The following COQ4 variants were observed in gnomAD, a reference collection of about 807,000 sequenced individuals.
COQ4 encodes the protein ubiquinone biosynthesis protein COQ4 homolog, mitochondrial.
In COQ4, 36 loss-of-function variants were observed where a neutral mutation model predicts 30.2. That is an observed-to-expected ratio of 1.19 (90% CI 0.91 to 1.57). COQ4 has a LOEUF of 1.57. Ranked by LOEUF, COQ4 falls within the 40% of genes most tolerant of loss-of-function variation. The pLI, the probability that COQ4 is intolerant of heterozygous loss-of-function variation, is 0.00. For synonymous variants in COQ4, 197 were observed against 161.0 expected (o/e 1.22, Z -1.69); for missense variants, 369 against 371.9 (o/e 0.99, Z 0.07).
intron 4 of COQ4, among the ~76,000 whole-genome samples, chr9:128,328,236 G>A (rs1361651370): frequency 6.6e-6 from 1 of 152,274 alleles, no homozygotes; most frequent in African/African-American, 2.4e-5. Context: ...TAGGAAACTT[G>A]TGGAAGGTTT....
intron 2 of COQ4, 59 bp downstream of exon 2, chr9:128,323,206 A>G (rs754809482): frequency 1.3e-6 from 2 of 1,490,608 alleles, no homozygotes; most frequent in Admixed American, 2.5e-5. Context: ...CCTGTGGGTA[A>G]CTGGAACATA....
chr9:128,329,684 C>G (rs552118053), intron 4 of COQ4, among the ~76,000 whole-genome samples: 32 of 152,254 alleles, frequency 2.1e-4, no homozygotes, highest in Middle Eastern at 3.4e-3. Flanking sequence ...TTTTCCTTAT[C>G]TATATCTGCA....
At chr9:128,328,920 C>G (rs547095423) in intron 4 of COQ4, among the ~76,000 whole-genome samples, 2 of 152,290 alleles carry the variant, frequency 1.3e-5, no homozygotes, top group South Asian at 4.1e-4. Context: ...CACTTGTAAC[C>G]GCGCTGGCGA....
At position 128,333,573 on chromosome 9, in the gene COQ4, G is replaced by A. The variant is rs1273122497; in HGVS notation, c.726G>A (p.Glu242=). 8 of 1,610,038 alleles carry A rather than the reference G, an allele frequency of 5.0e-6. No individual in the cohort carries two copies. In the East Asian group the frequency reaches 1.8e-4, roughly 36 times the overall value. ...VLNLYYERRW[E]QSLRALREEL... ...ACCTGTACTATGAGCGGCGCTGGGA[G>A]CAGTCCCTGAGGGCTCTGCGGGAGG... The change falls in exon 7 of 7, where the codon GAG becomes GAA. Residue 242 remains glutamate, a synonymous_variant. Coordinates refer to ENST00000300452, the MANE Select transcript of COQ4 (RefSeq NM_016035.5).
chr9:128,323,685 A>C (rs1832257835), intron 2 of COQ4: 1 of 224,180 alleles, frequency 4.5e-6, no homozygotes, highest in African/African-American at 2.3e-5. Context: ...GCGCTATTAT[A>C]GTGGCTCACG....
At chr9:128,330,785 A>C (rs1832394340) in intron 4 of COQ4, 2 of 151,464 alleles carry the variant, frequency 1.3e-5, no homozygotes, top group Non-Finnish European at 2.9e-5. Context: ...TTAAATATGC[A>C]TCTTGTTTAG....
chr9:128,325,932 A>G, intron 4 of COQ4, 51 bp downstream of exon 4: 5 of 1,483,488 alleles, frequency 3.4e-6, no homozygotes, highest in Non-Finnish European at 4.7e-6. Context: ...GGACAGAGGA[A>G]TAGCACAGGC....
chr9:128,330,963 G>GAGTAGCTGGGACTAC, intron 4 of COQ4: 1 of 150,148 alleles, frequency 6.7e-6, no homozygotes, highest in Non-Finnish European at 1.5e-5. Flanking sequence ...TCAGCCTCCC[G>GAGTAGCTGGGACTAC]AGTAGCTGGG....
intron 2 of COQ4, 127 bp from the exon 3 acceptor site, chr9:128,325,016 C>G: frequency 1.5e-6 from 1 of 647,896 alleles, no homozygotes; most frequent in South Asian, 1.9e-5. Context: ...AGTGTTTAGC[C>G]TGAATCCTTA....
At chr9:128,332,436 C>T (rs1832431025) in intron 5 of COQ4, 154 bp downstream of exon 5, 7 of 797,420 alleles carry the variant, frequency 8.8e-6, no homozygotes, top group Non-Finnish European at 1.2e-5. Context: ...CCACATGTCC[C>T]CCTTCTTTCT....
At chr9:128,325,262 G>A (rs775164923) in intron 3 of COQ4, 23 bp downstream of exon 3, 4 of 1,526,104 alleles carry the variant, frequency 2.6e-6, no homozygotes, top group Non-Finnish European at 3.6e-6. Flanking sequence ...TCTGCCTGGG[G>A]GTCTGGGGGC....
At chr9:128,328,631 C>T (rs577378677) in intron 4 of COQ4, among the ~76,000 whole-genome samples, 5 of 152,226 alleles carry the variant, frequency 3.3e-5, no homozygotes, top group Non-Finnish European at 7.3e-5. Flanking sequence ...AGAACCACTG[C>T]TCTGAATGGT....
At chr9:128,331,201 AT>A (rs879668057) in intron 4 of COQ4, 7 of 152,208 alleles carry the variant, frequency 4.6e-5, no homozygotes, top group Non-Finnish European at 7.3e-5. Flanking sequence ...TCTCGTGTGT[AT>A]TTTATATGAT....
At chr9:128,330,930 C>G (rs529623983) in intron 4 of COQ4, 1 of 151,456 alleles carries the variant, frequency 6.6e-6, no homozygotes, top group Admixed American at 6.6e-5. Flanking sequence ...CTCCGCCTCC[C>G]GGGCTTACGC....
chr9:128,327,871 C>T (rs575155156), intron 4 of COQ4, among the ~76,000 whole-genome samples: 10 of 152,306 alleles, frequency 6.6e-5, no homozygotes, highest in East Asian at 1.9e-4. Flanking sequence ...CAGCAAAAAG[C>T]CTGCCTTTGT....
At position 128,322,863 on chromosome 9, in the gene COQ4, C is replaced by T. The variant is rs1243647034; in HGVS notation, c.5C>T (p.Ala2Val). M[A>V]TLLRPVLRRL... ...CCTCCGCGGACGCCCGCTGCCATGG[C>T]GACTCTGCTGCGCCCTGTCCTCCGT... Residue 2 changes from alanine to valine, a missense_variant, in exon 1 of 7, where the codon GCG becomes GTG. Coordinates refer to ENST00000300452, the MANE Select transcript of COQ4 (RefSeq NM_016035.5). 4 of 1,565,818 alleles carry T rather than the reference C, an allele frequency of 2.6e-6. No individual in the cohort carries two copies. The highest frequency in any genetic ancestry group is 1.9e-5 in the Admixed American group (1 of 52,966).
Position 128,325,876 on chromosome 9 carries a change from G to A in COQ4, c.397G>A (p.Val133Met), listed in dbSNP as rs1272648378. Residue 133 changes from valine (V) to methionine (M), a missense_variant, in exon 4 of 7, where the codon GTG (valine) becomes ATG (methionine). Coordinates refer to ENST00000300452, the MANE Select transcript of COQ4 (RefSeq NM_016035.5). The stretch of plus-strand genomic sequence containing the variant: ...TCGCGAGTATCTCCGTTTCCTGGAT[G>A]TGAACGTGAGTTTTCAGCTCCTGTG... ...LGREYLRFLD[V>M]NRVSPDTRAP... is the part of the protein sequence containing the mutation. 1.8e-5 allele frequency: 29 copies of A among 1,613,760 alleles called. No homozygotes were observed. Among genetic ancestry groups the A allele is most frequent in the Non-Finnish European group, 2.5e-5 (29 of 1,179,760 alleles).
intron 4 of COQ4, chr9:128,330,934 C>T (rs1364793456): frequency 6.6e-6 from 1 of 150,714 alleles, no homozygotes; most frequent in African/African-American, 2.4e-5. Flanking sequence ...GCCTCCCGGG[C>T]TTACGCCATT....
chr9:128,322,912 A>C lies in COQ4; in HGVS notation c.54A>C (p.Leu18=). 6.3e-7 allele frequency: 1 copy of C among 1,599,124 alleles called. No homozygotes were observed. Among genetic ancestry groups the C allele is most frequent in the Non-Finnish European group, 8.5e-7 (1 of 1,176,964 alleles). Residue 18 remains leucine (L), a synonymous_variant, in exon 1 of 7, where the codon CTA becomes CTC. Transcript: ENST00000300452. ...VLRRLCGLPG[L]QRPAAEMPLR... ...GTCGGCTCTGCGGGCTCCCGGGCCTACAGCGGCCTGCGGCAGGCAAGTGGC... is the reference window on the plus strand; with the variant it reads ...GTCGGCTCTGCGGGCTCCCGGGCCTCCAGCGGCCTGCGGCAGGCAAGTGGC...
Sources: allele counts gnomAD v4.1 joint callset (sites outside exome capture counted in the v4.1 genomes callset), GRCh38; gene constraint gnomAD v4.1.1; transcripts MANE v1.5; gene names NCBI Gene and HGNC (gene_info 2026-07-23, HGNC 2026-07-21).